ATP8A2: variants seen among roughly 807,000 people sequenced by gnomAD.
ATP8A2 encodes phospholipid-transporting ATPase IB.
ATP8A2 carries 100 observed loss-of-function variants against 165.6 expected under a neutral mutation model. That is an observed-to-expected ratio of 0.60 (90% confidence interval 0.51 to 0.71). ATP8A2 has a LOEUF of 0.71. ATP8A2 is among the 30% of genes least tolerant of loss of function. The pLI is 0.00. For missense variants in ATP8A2, 1,227 were observed against 1,479.5 expected, an observed-to-expected ratio of 0.83 and a Z score of 2.80; for synonymous variants, 543 against 548.8, an observed-to-expected ratio of 0.99 and a Z score of 0.15.
chr13:25,743,499 A>C (rs1395919128), intron 25 of ATP8A2, among the ~76,000 whole-genome samples: 58 of 152,226 alleles, frequency 3.8e-4, no homozygotes, highest in Admixed American at 3.8e-3. Context: ...ATGGTCCAGT[A>C]AAGGGAAAGC....
At chr13:25,844,955 G>A (rs919119485) in intron 30 of ATP8A2, among the ~76,000 whole-genome samples, 12 of 152,110 alleles carry the variant, frequency 7.9e-5, no homozygotes, top group Non-Finnish European at 1.5e-4. Flanking sequence ...AAGGTATATC[G>A]TTCATTCCCT....
chr13:25,657,412 G>A (rs1197747891), intron 24 of ATP8A2, among the ~76,000 whole-genome samples: 1 of 152,108 alleles, frequency 6.6e-6, no homozygotes, highest in Non-Finnish European at 1.5e-5. Context: ...GATGCCTGGG[G>A]GGGTGAGACA....
intron 33 of ATP8A2, among the ~76,000 whole-genome samples, chr13:25,923,883 C>G (rs1954528327): frequency 6.6e-6 from 1 of 152,158 alleles, no homozygotes; most frequent in African/African-American, 2.4e-5. Context: ...CTAGCATCTT[C>G]TGTGTGGTTG....
intron 24 of ATP8A2, among the ~76,000 whole-genome samples, chr13:25,628,938 A>G (rs9507537): frequency 0.79 from 120,178 of 152,074 alleles, 48,259 homozygotes; most frequent in Admixed American, 0.86. Context: ...CCTCCATGAG[A>G]GGGAACATCA....
chr13:25,929,304 C>T (rs368084175), intron 33 of ATP8A2, among the ~76,000 whole-genome samples: 11 of 152,084 alleles, frequency 7.2e-5, no homozygotes, highest in African/African-American at 2.2e-4. Context: ...ATGGGATGCC[C>T]GTTGCCATAG....
At chr13:25,530,153 T>C (rs897876629) in intron 3 of ATP8A2, 55 bp downstream of exon 3, 10 of 1,174,098 alleles carry the variant, frequency 8.5e-6, no homozygotes, top group Non-Finnish European at 1.3e-5. Flanking sequence ...TAAAATGAGA[T>C]TTTGCTAAAG....
intron 30 of ATP8A2, among the ~76,000 whole-genome samples, chr13:25,856,756 C>T (rs1952177998): frequency 6.6e-6 from 1 of 152,162 alleles, no homozygotes; most frequent in South Asian, 2.1e-4. Context: ...TCCTTCTCCC[C>T]TTCCTCCCCA....
At chr13:25,468,258 C>G (rs1460534415) in intron 1 of ATP8A2, among the ~76,000 whole-genome samples, 2 of 152,158 alleles carry the variant, frequency 1.3e-5, no homozygotes, top group Non-Finnish European at 2.9e-5. Flanking sequence ...ACCACAGAAA[C>G]AGTAATTTAA....
chr13:25,968,631 A>C lies in ATP8A2; in HGVS notation c.3329A>C (p.Lys1110Thr). ...GAGGAGGTGCAGGAGCTGGAAACCA[A>C]GTCTCGAGTCCTGGGAAAAGCGGTG... ...LLEEVQELET[K>T]SRVLGKAVLR... The change falls in exon 35 of 37, where the codon AAG becomes ACG. Residue 1110 changes from lysine to threonine, a missense_variant. Physicochemically the swap from Lys to Thr is moderately conservative, Grantham distance 78. Transcript: ENST00000381655. 6.2e-7 allele frequency: 1 copy of C among 1,613,900 alleles called. No individual in the cohort carries two copies. The highest frequency in any genetic ancestry group is 8.5e-7 in the Non-Finnish European group (1 of 1,179,996).
chr13:25,483,557 A>G (rs147475470), intron 2 of ATP8A2, among the ~76,000 whole-genome samples: 6 of 152,316 alleles, frequency 3.9e-5, no homozygotes, highest in East Asian at 1.9e-4. Flanking sequence ...AGATACTCCA[A>G]TTAATAAACT....
intron 24 of ATP8A2, among the ~76,000 whole-genome samples, chr13:25,635,353 GTT>G (rs1211331263): frequency 6.6e-6 from 1 of 152,150 alleles, no homozygotes; most frequent in Non-Finnish European, 1.5e-5. Flanking sequence ...AATCGCCATA[GTT>G]TGGGGAGTGT....
Position 25,678,610 on chromosome 13 carries a change from G to A in ATP8A2, c.2212-20563G>A, listed in dbSNP as rs1405966956. On this transcript the variant is annotated intron_variant, in intron 24 of 36. Transcript: ENST00000381655. The stretch of plus-strand genomic sequence containing the variant: ...GCCAGCTCTGCAACACAGCTCCTGG[G>A]TGGCAGCTTGCCTTCCAGCACACGT... Among the ~76,000 whole-genome samples the A allele has an allele frequency of 2.6e-5, 4 of 152,166 alleles. No homozygotes were observed. The South Asian group carries it at 6.2e-4, about 24-fold the overall frequency.
chr13:25,852,844 C>G (rs1205082521), intron 30 of ATP8A2, among the ~76,000 whole-genome samples: 4 of 151,200 alleles, frequency 2.6e-5, no homozygotes, highest in Non-Finnish European at 4.4e-5. Flanking sequence ...GTGGAGGTTG[C>G]AGTGAGCCAA....
chr13:25,960,168 G>A (rs1223135639), intron 33 of ATP8A2, among the ~76,000 whole-genome samples: 1 of 152,228 alleles, frequency 6.6e-6, no homozygotes, highest in Non-Finnish European at 1.5e-5. Flanking sequence ...AGGGTAAGCG[G>A]GTGGGGATGC....
At chr13:25,514,672 G>A (rs992838285) in intron 2 of ATP8A2, among the ~76,000 whole-genome samples, 2 of 152,114 alleles carry the variant, frequency 1.3e-5, no homozygotes, top group African/African-American at 4.8e-5. Context: ...TTATCTTGTG[G>A]GGTTCCTCCA....
At chr13:25,855,997 G>C (rs565690092) in intron 30 of ATP8A2, among the ~76,000 whole-genome samples, 10 of 152,022 alleles carry the variant, frequency 6.6e-5, no homozygotes, top group African/African-American at 1.9e-4. Context: ...AAATTTTTTG[G>C]GTGGCCTTTT....
At chr13:25,479,085 A>T (rs1475249297) in intron 2 of ATP8A2, among the ~76,000 whole-genome samples, 2 of 152,114 alleles carry the variant, frequency 1.3e-5, no homozygotes, top group Non-Finnish European at 2.9e-5. Flanking sequence ...TGACCCCATG[A>T]TCTGCCCTCC....
chr13:25,381,341 C>G (rs878907229), intron 1 of ATP8A2, among the ~76,000 whole-genome samples: 1 of 152,102 alleles, frequency 6.6e-6, no homozygotes, highest in Admixed American at 6.6e-5. Context: ...CACATTTTCT[C>G]CATAACATAT....
At chr13:25,742,675 C>CTT (rs1566096090) in intron 25 of ATP8A2, among the ~76,000 whole-genome samples, 1 of 125,522 alleles carries the variant, frequency 8.0e-6, no homozygotes, top group African/African-American at 3.0e-5. Flanking sequence ...CTCTCTCTCT[C>CTT]TCTGTCTTTT....
Sources: gnomAD v4.1 joint callset for allele counts (sites outside exome capture counted in the v4.1 genomes callset) on GRCh38, gnomAD v4.1.1 for gene constraint, MANE v1.5 for transcripts, NCBI Gene and HGNC (gene_info 2026-07-23, HGNC 2026-07-21) for gene names.